Variants in CCDC146 observed in about 807,000 individuals in gnomAD.
The protein encoded by CCDC146 is coiled-coil domain-containing protein 146.
A neutral mutation model predicts 119.3 loss-of-function variants in CCDC146; 92 were observed. The observed-to-expected ratio is 0.77, with a 90% confidence interval of 0.65 to 0.92. The LOEUF (loss-of-function observed/expected upper bound fraction) is 0.92. Among genes scored for constraint, CCDC146 ranks in the 40% least tolerant of loss-of-function variants. The pLI is 0.00. For synonymous variants in CCDC146, 372 were observed against 371.8 expected (o/e 1.00, Z -0.01); for missense variants, 1,000 against 1,103.0 (o/e 0.91, Z 1.32).
chr7:77,262,162 A>G lies in CCDC146; in HGVS notation c.1028A>G (p.Lys343Arg). Residue 343 changes from lysine to arginine, a missense_variant, in exon 9 of 19, where the codon AAG becomes AGG. By Grantham distance (26) the Lys-to-Arg change is conservative. Transcript: ENST00000285871. ...DLNLRNSLID[K>R]QNYHDELSRK... ...AATTTACGCAACAGTCTCATTGACA[A>G]GCAGAACTACCATGATGAACTTTCT... 2 of 1,611,962 alleles carry G rather than the reference A, an allele frequency of 1.2e-6. No individual in the cohort carries two copies. Among genetic ancestry groups the G allele is most frequent in the Non-Finnish European group, 1.7e-6 (2 of 1,179,330 alleles).
At chr7:77,218,211 G>T (rs1792334342) in intron 2 of CCDC146, among the ~76,000 whole-genome samples, 1 of 151,882 alleles carries the variant, frequency 6.6e-6, no homozygotes, top group Non-Finnish European at 1.5e-5. Context: ...GCACATGACT[G>T]TATGTAGGTA....
chr7:77,149,788 AG>A, intron 1 of CCDC146, among the ~76,000 whole-genome samples: 1 of 121,252 alleles, frequency 8.2e-6, no homozygotes, highest in African/African-American at 6.3e-5. Flanking sequence ...AAAAAAAGCG[AG>A]AGAGAGAGAG....
intron 2 of CCDC146, chr7:77,199,812 C>A (rs536065529): frequency 3.7e-6 from 6 of 1,606,260 alleles, no homozygotes; most frequent in African/African-American, 1.3e-5. Flanking sequence ...TGCTGCTCAC[C>A]CCAGCAGGGA....
chr7:77,190,821 G>T (rs1434553693), intron 2 of CCDC146, among the ~76,000 whole-genome samples: 1 of 152,182 alleles, frequency 6.6e-6, no homozygotes, highest in Non-Finnish European at 1.5e-5. Flanking sequence ...GGACAGGATT[G>T]AAATTGAAGG....
chr7:77,129,314 AT>A (rs1389041110), intron 1 of CCDC146, among the ~76,000 whole-genome samples: 1 of 152,054 alleles, frequency 6.6e-6, no homozygotes, highest in Non-Finnish European at 1.5e-5. Flanking sequence ...CAGTGCTCGT[AT>A]TCAAGTAACC....
intron 11 of CCDC146, among the ~76,000 whole-genome samples, chr7:77,278,435 A>AT (rs140968354): frequency 0.17 from 16,937 of 100,626 alleles, 938 homozygotes; most frequent in East Asian, 0.29. Context: ...CCAAGAAATA[A>AT]TTTTTTTTTT....
intron 2 of CCDC146, among the ~76,000 whole-genome samples, chr7:77,225,408 C>T (rs3108418): frequency 0.56 from 85,511 of 151,658 alleles, 26,560 homozygotes; most frequent in Non-Finnish European, 0.7. Context: ...GAAAACCTAG[C>T]GGGGCATGGT....
Position 77,295,020 on chromosome 7 carries a change from A to T in CCDC146, c.*154A>T. The T allele has an allele frequency of 1.6e-6, 1 of 624,798 alleles. No individual in the cohort carries two copies. Among genetic ancestry groups the T allele is most frequent in the African/African-American group, 1.8e-5 (1 of 54,432 alleles). The allele number at this position is 624,798 out of a possible 1,614,324, so 38.7% of individuals were successfully genotyped here. A position where few individuals can be genotyped will look rare whatever the true frequency, so the allele number is the denominator to read the frequency against. ...ACAGAGTACAACAGGGTTTCTATTT[A>T]CCCACCAACTACTATACCTTTCATG... On this transcript the variant is annotated 3_prime_UTR_variant, in exon 19 of 19. Coordinates refer to ENST00000285871, the MANE Select transcript of CCDC146 (RefSeq NM_020879.3).
intron 2 of CCDC146, among the ~76,000 whole-genome samples, chr7:77,216,516 GA>G (rs1282791321): frequency 1.3e-5 from 2 of 151,972 alleles, no homozygotes; most frequent in Non-Finnish European, 2.9e-5. Context: ...ATATAGTGGT[GA>G]AAAAAAGATG....
At chr7:77,223,339 G>A (rs1222143094) in intron 2 of CCDC146, among the ~76,000 whole-genome samples, 1 of 152,214 alleles carries the variant, frequency 6.6e-6, no homozygotes. Flanking sequence ...AGTCATACAT[G>A]TGGCTAAGCA....
chr7:77,137,458 A>G (rs1386115734), intron 1 of CCDC146, among the ~76,000 whole-genome samples: 18 of 144,604 alleles, frequency 1.2e-4, no homozygotes, highest in African/African-American at 4.4e-4. Flanking sequence ...CCTACGCAGC[A>G]GCAATGGACA....
chr7:77,165,915 T>G (rs1392546436), intron 1 of CCDC146, among the ~76,000 whole-genome samples: 1 of 152,214 alleles, frequency 6.6e-6, no homozygotes, highest in African/African-American at 2.4e-5. Flanking sequence ...ATATTGCAAA[T>G]AAAATATCCA....
At chr7:77,257,629 AG>A (rs1280432274) in intron 6 of CCDC146, among the ~76,000 whole-genome samples, 3 of 152,198 alleles carry the variant, frequency 2.0e-5, no homozygotes, top group Non-Finnish European at 4.4e-5. Flanking sequence ...TACAAGTTTC[AG>A]CCCCACAAAA....
intron 9 of CCDC146, 36 bp downstream of exon 9, chr7:77,262,343 C>A: frequency 1.4e-6 from 2 of 1,464,962 alleles, no homozygotes; most frequent in South Asian, 1.4e-5. Context: ...TTTTTAAGCT[C>A]GGTGCTAACT....
chr7:77,275,927 C>T (rs1793625291), intron 11 of CCDC146, among the ~76,000 whole-genome samples: 1 of 152,042 alleles, frequency 6.6e-6, no homozygotes, highest in African/African-American at 2.4e-5. Context: ...ATTTATCAGG[C>T]CAGGCATGGT....
At chr7:77,199,566 C>G in intron 2 of CCDC146, 1 of 1,614,170 alleles carries the variant, frequency 6.2e-7, no homozygotes, top group Non-Finnish European at 8.5e-7. Flanking sequence ...TGAACACCTC[C>G]TCGATCCTGC....
intron 2 of CCDC146, among the ~76,000 whole-genome samples, chr7:77,234,768 T>G (rs1584097647): frequency 6.6e-6 from 1 of 152,088 alleles, no homozygotes; most frequent in Non-Finnish European, 1.5e-5. Context: ...AAATTATATT[T>G]AAGGTGGCAT....
At chr7:77,160,305 G>T (rs897436241) in intron 1 of CCDC146, among the ~76,000 whole-genome samples, 151 of 152,294 alleles carry the variant, frequency 9.9e-4, no homozygotes, top group Non-Finnish European at 1.9e-3. Context: ...ATTCTGTGAA[G>T]AAAGTAATTG....
chr7:77,210,063 T>C (rs1289360579), intron 2 of CCDC146, among the ~76,000 whole-genome samples: 2 of 152,222 alleles, frequency 1.3e-5, no homozygotes, highest in African/African-American at 4.8e-5. Context: ...GCTCCTCTTA[T>C]GCAAATTCTC....
Sources: allele counts gnomAD v4.1 joint callset (sites outside exome capture counted in the v4.1 genomes callset), GRCh38; gene constraint gnomAD v4.1.1; transcripts MANE v1.5; gene names NCBI Gene and HGNC (gene_info 2026-07-23, HGNC 2026-07-21).